DLG2: variants seen among roughly 807,000 people sequenced by gnomAD.
The protein encoded by DLG2 is discs large MAGUK scaffold protein 2.
A neutral mutation model predicts 132.5 loss-of-function variants in DLG2; 45 were observed. That is an observed-to-expected ratio of 0.34 (90% CI 0.27 to 0.44). The LOEUF (loss-of-function observed/expected upper bound fraction) is 0.44. Among genes scored for constraint, DLG2 ranks in the 20% least tolerant of loss-of-function variants. DLG2 has a pLI of 1.00. For missense variants in DLG2, 1,045 were observed against 1,196.9 expected (o/e 0.87, Z 1.87); for synonymous variants, 424 against 419.6 (o/e 1.01, Z -0.13).
intron 3 of DLG2, among the ~76,000 whole-genome samples, chr11:85,482,442 C>A (rs61907128): frequency 0.017 from 2,560 of 152,290 alleles, 36 homozygotes; most frequent in Non-Finnish European, 0.027. Flanking sequence ...GCTACAGTAA[C>A]CCAGAGTCCA....
In DLG2 at chr11:84,362,493, C is replaced by CT. The variant is rs200253588; in HGVS notation, c.520-111203dup. Reference sequence around the variant, plus strand: ...TGAAAACCAGAATTCAAATAATCCTCTTTTTTTTTTAATAATTTTTTTTTT... The same window carrying CT: ...TGAAAACCAGAATTCAAATAATCCTCTTTTTTTTTTTAATAATTTTTTTTTT... On this transcript the variant is annotated intron_variant, in intron 7 of 27. Coordinates refer to ENST00000376104, the MANE Select transcript of DLG2 (RefSeq NM_001142699.3). Among the ~76,000 whole-genome samples the CT allele has an allele frequency of 6.6e-4, 97 of 146,610 alleles. 1 individual carries two copies. In the South Asian group the frequency reaches 0.012, roughly 18 times the overall value.
chr11:83,881,348 T>A (rs1370430080), intron 15 of DLG2, among the ~76,000 whole-genome samples: 1 of 152,196 alleles, frequency 6.6e-6, no homozygotes, highest in African/African-American at 2.4e-5. Context: ...TGGGACCCAA[T>A]ATAGTTACCA....
At chr11:84,124,141 T>C (rs937144367) in intron 9 of DLG2, among the ~76,000 whole-genome samples, 3 of 152,224 alleles carry the variant, frequency 2.0e-5, no homozygotes, top group African/African-American at 7.2e-5. Flanking sequence ...CCACAAAGCC[T>C]ATTCAGGTGG....
intron 7 of DLG2, among the ~76,000 whole-genome samples, chr11:84,429,196 G>T (rs1367488198): frequency 2.0e-5 from 3 of 152,162 alleles, no homozygotes; most frequent in African/African-American, 7.2e-5. Flanking sequence ...TGGCATAAAT[G>T]TTCTGTTTCA....
intron 19 of DLG2, 58 bp from the exon 20 acceptor site, chr11:83,541,916 A>G: frequency 6.7e-7 from 1 of 1,496,996 alleles, no homozygotes; most frequent in African/African-American, 1.4e-5. Context: ...CAGATTTAGG[A>G]TTTATGGTTT....
At chr11:85,129,567 A>G (rs1277024204) in intron 5 of DLG2, among the ~76,000 whole-genome samples, 2 of 152,184 alleles carry the variant, frequency 1.3e-5, no homozygotes, top group Non-Finnish European at 2.9e-5. Context: ...AAAGTCAGGA[A>G]ACAACAGAAT....
Position 83,459,738 on chromosome 11 carries a change from A to T in DLG2, c.*80T>A, listed in dbSNP as rs2089522407. ...AAAAACATAAATGCAACAAAAACAT[A>T]AAAGCCTCCAAGTAGTATGTTATAT... On this transcript the variant is annotated 3_prime_UTR_variant, in exon 28 of 28. Transcript: ENST00000376104. The T allele has an allele frequency of 4.0e-6, 3 of 748,692 alleles. No homozygotes were observed. Among genetic ancestry groups the T allele is most frequent in the Non-Finnish European group, 7.0e-6 (3 of 430,458 alleles). The allele number at this position is 748,692 out of a possible 1,614,324, so 46.4% of individuals were successfully genotyped here.
At chr11:85,467,370 G>C (rs1296023015) in intron 3 of DLG2, among the ~76,000 whole-genome samples, 6 of 152,134 alleles carry the variant, frequency 3.9e-5, no homozygotes, top group Admixed American at 2.0e-4. Flanking sequence ...GTGAGAGAGG[G>C]CATCCCTGTC....
chr11:84,161,733 T>C (rs2095550796), intron 9 of DLG2, among the ~76,000 whole-genome samples: 1 of 152,204 alleles, frequency 6.6e-6, no homozygotes, highest in Admixed American at 6.5e-5. Context: ...GCATGAGACC[T>C]GTTCAGTTGC....
chr11:83,601,000 G>T (rs2153372573), intron 19 of DLG2, among the ~76,000 whole-genome samples: 1 of 152,322 alleles, frequency 6.6e-6, no homozygotes, highest in Non-Finnish European at 1.5e-5. Flanking sequence ...AGTTTCAGTT[G>T]TCATTTAGCA....
chr11:84,057,325 TG>T (rs1197301202), intron 11 of DLG2, among the ~76,000 whole-genome samples: 1 of 152,148 alleles, frequency 6.6e-6, no homozygotes, highest in Non-Finnish European at 1.5e-5. Flanking sequence ...CTTTACTGAG[TG>T]GTTAAAATTA....
chr11:83,490,032 T>TAACA (rs1438294162), intron 21 of DLG2, among the ~76,000 whole-genome samples: 2 of 152,042 alleles, frequency 1.3e-5, no homozygotes, highest in African/African-American at 2.4e-5. Context: ...AATGAAACCC[T>TAACA]AACAGCAAAA....
intron 6 of DLG2, among the ~76,000 whole-genome samples, chr11:85,093,367 A>T (rs1301085781): frequency 6.6e-6 from 1 of 152,112 alleles, no homozygotes; most frequent in Admixed American, 6.6e-5. Flanking sequence ...AAAACACTTG[A>T]AACATCAAGA....
chr11:83,531,155 C>G (rs1157680724), intron 21 of DLG2, among the ~76,000 whole-genome samples: 1 of 145,736 alleles, frequency 6.9e-6, no homozygotes, highest in African/African-American at 2.6e-5. Context: ...AAAAAATACA[C>G]ACATTAGACT....
At chr11:85,167,776 T>C (rs1419287733) in intron 4 of DLG2, among the ~76,000 whole-genome samples, 1 of 152,164 alleles carries the variant, frequency 6.6e-6, no homozygotes, top group Non-Finnish European at 1.5e-5. Context: ...TATGCTTTTC[T>C]CTTGTTAATC....
chr11:85,322,932 G>A (rs1380353665), intron 3 of DLG2, among the ~76,000 whole-genome samples: 1 of 152,114 alleles, frequency 6.6e-6, no homozygotes, highest in African/African-American at 2.4e-5. Flanking sequence ...CCTTTAAATA[G>A]GATAATCTTT....
At chr11:85,432,903 A>G (rs1316073562) in intron 3 of DLG2, among the ~76,000 whole-genome samples, 11 of 152,184 alleles carry the variant, frequency 7.2e-5, no homozygotes, top group Admixed American at 7.2e-4. Context: ...AAAAAATGTT[A>G]AGGGCAGCCA....
At chr11:84,512,416 C>A (rs1046839563) in intron 7 of DLG2, among the ~76,000 whole-genome samples, 6 of 152,058 alleles carry the variant, frequency 3.9e-5, no homozygotes, top group African/African-American at 1.4e-4. Flanking sequence ...AAATTAAAGG[C>A]TACTATAACT....
At chr11:84,493,222 T>G (rs2099169836) in intron 7 of DLG2, among the ~76,000 whole-genome samples, 1 of 152,124 alleles carries the variant, frequency 6.6e-6, no homozygotes, top group African/African-American at 2.4e-5. Flanking sequence ...ACTGACTCAT[T>G]GGGTAGTTTT....
Sources: gnomAD v4.1 joint callset for allele counts (sites outside exome capture counted in the v4.1 genomes callset) on GRCh38, gnomAD v4.1.1 for gene constraint, MANE v1.5 for transcripts, NCBI Gene and HGNC (gene_info 2026-07-23, HGNC 2026-07-21) for gene names.